The following KCTD8 variants were observed in gnomAD, a reference collection of about 807,000 sequenced individuals.
KCTD8 encodes potassium channel tetramerization domain containing 8, also known as BTB/POZ domain-containing protein KCTD8.
KCTD8 carries 27 observed loss-of-function variants against 31.5 expected under a neutral mutation model. That is an observed-to-expected ratio of 0.86 (90% CI 0.63 to 1.18). The LOEUF (loss-of-function observed/expected upper bound fraction) is 1.18. Among genes scored for constraint, KCTD8 ranks in the 50% most tolerant of loss-of-function variants. The pLI is 0.00. For missense variants in KCTD8, 658 were observed against 647.7 expected (o/e 1.02, Z -0.17); for synonymous variants, 290 against 280.0 (o/e 1.04, Z -0.36).
intron 1 of KCTD8, among the ~76,000 whole-genome samples, chr4:44,267,567 A>G (rs530707380): frequency 3.0e-4 from 45 of 152,302 alleles, no homozygotes; most frequent in Non-Finnish European, 5.4e-4. Flanking sequence ...AAGGAAATAG[A>G]GACAAATAAA....
chr4:44,235,578 T>TAGAGAGAGAG (rs371875444), intron 1 of KCTD8, among the ~76,000 whole-genome samples: 1 of 64,120 alleles, frequency 1.6e-5, no homozygotes, highest in African/African-American at 5.1e-5. Flanking sequence ...TATATATATT[T>TAGAGAGAGAG]AGAGAGAGAG....
chr4:44,333,508 G>A (rs1718641914), intron 1 of KCTD8, among the ~76,000 whole-genome samples: 1 of 152,074 alleles, frequency 6.6e-6, no homozygotes, highest in African/African-American at 2.4e-5. Flanking sequence ...AGCTGGGTAG[G>A]TATAACTAAG....
chr4:44,426,689 A>C (rs1002039964), intron 1 of KCTD8, among the ~76,000 whole-genome samples: 4 of 151,850 alleles, frequency 2.6e-5, no homozygotes, highest in African/African-American at 9.7e-5. Flanking sequence ...ATAAGTATTA[A>C]AGAACTTGAA....
chr4:44,230,366 T>C (rs1715088582), intron 1 of KCTD8, among the ~76,000 whole-genome samples: 1 of 152,188 alleles, frequency 6.6e-6, no homozygotes, highest in Non-Finnish European at 1.5e-5. Flanking sequence ...ATTATTCACA[T>C]AAAATTCAGT....
At chr4:44,176,079 A>G (rs1388802151) in intron 1 of KCTD8, among the ~76,000 whole-genome samples, 2 of 152,154 alleles carry the variant, frequency 1.3e-5, no homozygotes, top group African/African-American at 4.8e-5. Flanking sequence ...TCTCCATTTA[A>G]CATTTATTAA....
chr4:44,265,990 C>A (rs1266330608), intron 1 of KCTD8, among the ~76,000 whole-genome samples: 3 of 151,754 alleles, frequency 2.0e-5, no homozygotes, highest in African/African-American at 7.3e-5. Context: ...TCCAGGAGAA[C>A]TTCTCCAATC....
intron 1 of KCTD8, among the ~76,000 whole-genome samples, chr4:44,335,041 C>T (rs548202334): frequency 1.5e-4 from 23 of 152,056 alleles, no homozygotes; most frequent in South Asian, 4.1e-4. Flanking sequence ...GTCAAATGGA[C>T]AATTAATCAA....
chr4:44,178,211 A>G (rs953192746), intron 1 of KCTD8, among the ~76,000 whole-genome samples: 1 of 152,218 alleles, frequency 6.6e-6, no homozygotes, highest in African/African-American at 2.4e-5. Context: ...TAAATAAAAT[A>G]TCATGTAAAA....
At chr4:44,316,995 A>C (rs866717245) in intron 1 of KCTD8, among the ~76,000 whole-genome samples, 1 of 146,054 alleles carries the variant, frequency 6.8e-6, no homozygotes, top group African/African-American at 2.7e-5. Context: ...ACAACAACAA[A>C]TAAAATAATA....
At chr4:44,214,300 T>A (rs565435095) in intron 1 of KCTD8, among the ~76,000 whole-genome samples, 1 of 152,292 alleles carries the variant, frequency 6.6e-6, no homozygotes, top group African/African-American at 2.4e-5. Context: ...GGGAAAATAT[T>A]TGTTTCTCCC....
intron 1 of KCTD8, among the ~76,000 whole-genome samples, chr4:44,303,087 T>G (rs968602071): frequency 9.2e-5 from 14 of 152,174 alleles, no homozygotes; most frequent in African/African-American, 2.7e-4. Context: ...TCAGGGTGGA[T>G]AAGCTTTTTG....
intron 1 of KCTD8, among the ~76,000 whole-genome samples, chr4:44,195,829 T>C (rs1713924719): frequency 1.3e-5 from 2 of 152,136 alleles, no homozygotes; most frequent in Admixed American, 1.3e-4. Context: ...TATTGTCTTG[T>C]TGAAAAGGAG....
At chr4:44,393,105 C>A (rs571557132) in intron 1 of KCTD8, among the ~76,000 whole-genome samples, 60 of 152,054 alleles carry the variant, frequency 3.9e-4, no homozygotes, top group Non-Finnish European at 6.3e-4. Context: ...GTGACAATAG[C>A]AGAGTTGTAC....
At chr4:44,295,613 C>T (rs1338545213) in intron 1 of KCTD8, among the ~76,000 whole-genome samples, 6 of 152,018 alleles carry the variant, frequency 3.9e-5, no homozygotes, top group Non-Finnish European at 5.9e-5. Flanking sequence ...TTTTGATATG[C>T]GTCAGGCTAT....
intron 1 of KCTD8, among the ~76,000 whole-genome samples, chr4:44,319,012 C>T (rs966198257): frequency 6.6e-6 from 1 of 152,086 alleles, no homozygotes; most frequent in South Asian, 2.1e-4. Context: ...ATGAAGGATG[C>T]GGACGCAATC....
At chr4:44,266,567 C>T (rs1289136691) in intron 1 of KCTD8, among the ~76,000 whole-genome samples, 29 of 151,570 alleles carry the variant, frequency 1.9e-4, no homozygotes, top group Non-Finnish European at 7.4e-5. Context: ...TGTAAATGGA[C>T]TAAATGCTCC....
rs547991192 is a variant in KCTD8, at chr4:44,201,585, A to T, written c.962-26335T>A. Reference sequence around the variant, plus strand: ...TCCCCATTCAATAAACGATGTTGGGATAACTGGCTAATTACATGGAGAATT... The same window carrying T: ...TCCCCATTCAATAAACGATGTTGGGTTAACTGGCTAATTACATGGAGAATT... On this transcript the variant is annotated intron_variant, in intron 1 of 1. Coordinates refer to ENST00000360029, the MANE Select transcript of KCTD8 (RefSeq NM_198353.3). 3.9e-5 allele frequency among the ~76,000 whole-genome samples: 6 copies of T among 152,206 alleles called. 1 individual carries two copies. In the South Asian group the frequency reaches 1.2e-3, roughly 32 times the overall value.
chr4:44,311,164 A>G (rs957144251), intron 1 of KCTD8, among the ~76,000 whole-genome samples: 1 of 151,918 alleles, frequency 6.6e-6, no homozygotes, highest in African/African-American at 2.4e-5. Context: ...CAGCTTTTAG[A>G]CTCTTATTTC....
intron 1 of KCTD8, among the ~76,000 whole-genome samples, chr4:44,302,928 AG>A (rs1188738070): frequency 2.8e-4 from 42 of 152,246 alleles, no homozygotes; most frequent in Middle Eastern, 3.4e-3. Flanking sequence ...TTTAGCATGA[AG>A]GGTTGTTGAA....
Sources: allele counts gnomAD v4.1 joint callset (sites outside exome capture counted in the v4.1 genomes callset), GRCh38; gene constraint gnomAD v4.1.1; transcripts MANE v1.5; gene names NCBI Gene and HGNC (gene_info 2026-07-23, HGNC 2026-07-21).